The following SEMA6D variants were observed in gnomAD, a reference collection of about 807,000 sequenced individuals.
SEMA6D encodes semaphorin-6D.
Under a neutral mutation model 106.6 loss-of-function variants are expected in SEMA6D, and 35 were observed. That is an observed-to-expected ratio of 0.33 (90% CI 0.25 to 0.44). SEMA6D has a LOEUF of 0.44. Among genes scored for constraint, SEMA6D ranks in the 20% least tolerant of loss-of-function variants. SEMA6D has a pLI of 1.00. For synonymous variants in SEMA6D, 499 were observed against 487.7 expected (o/e 1.02, Z -0.31); for missense variants, 1,185 against 1,345.9 (o/e 0.88, Z 1.87).
chr15:47,391,203 G>T (rs1252092190), intron 1 of SEMA6D, among the ~76,000 whole-genome samples: 1 of 152,172 alleles, frequency 6.6e-6, no homozygotes, highest in Non-Finnish European at 1.5e-5. Context: ...CACACAATCA[G>T]CCTCCTTTCC....
intron 1 of SEMA6D, among the ~76,000 whole-genome samples, chr15:47,190,397 T>C (rs1044396192): frequency 2.0e-5 from 3 of 152,200 alleles, no homozygotes; most frequent in Middle Eastern, 3.2e-3. Context: ...CTTCTAAGGA[T>C]CTAAGTGGAA....
chr15:47,263,409 A>G (rs1248613610), intron 1 of SEMA6D, among the ~76,000 whole-genome samples: 2 of 152,132 alleles, frequency 1.3e-5, no homozygotes, highest in Non-Finnish European at 2.9e-5. Flanking sequence ...ACACTTTTTG[A>G]AAGAAGGTAT....
At chr15:47,400,988 T>G (rs533177555) in intron 1 of SEMA6D, among the ~76,000 whole-genome samples, 22 of 152,340 alleles carry the variant, frequency 1.4e-4, no homozygotes, top group African/African-American at 3.8e-4. Flanking sequence ...CTGTCAATTA[T>G]TAGTAGTGTA....
rs2082260412 is a variant in SEMA6D, at chr15:47,764,982, T to C, written c.1353T>C (p.Val451=). ...CTGAAGCTGGCATGGTACTTAAAGTTCTGGCAAAGACCAGTCCTTTCTCTT... is the reference window on the plus strand; with the variant it reads ...CTGAAGCTGGCATGGTACTTAAAGTCCTGGCAAAGACCAGTCCTTTCTCTT... ...VGSEAGMVLK[V]LAKTSPFSLN... is the part of the protein sequence containing the mutation. The change falls in exon 13 of 19, where the codon GTT becomes GTC. Residue 451 remains valine (V), a synonymous_variant. Coordinates refer to ENST00000536845, the MANE Select transcript of SEMA6D (RefSeq NM_001358351.3). The C allele has an allele frequency of 6.2e-7, 1 of 1,613,800 alleles. No individual in the cohort carries two copies. Among genetic ancestry groups the C allele is most frequent in the African/African-American group, 1.3e-5 (1 of 74,924 alleles).
chr15:47,203,669 TTTCTC>T (rs2141108419), intron 1 of SEMA6D, among the ~76,000 whole-genome samples: 1 of 152,306 alleles, frequency 6.6e-6, no homozygotes, highest in African/African-American at 2.4e-5. Context: ...TTGTTATGCT[TTTCTC>T]TAGGTAACCT....
upstream of SEMA6D, among the ~76,000 whole-genome samples, chr15:47,713,055 A>G (rs1165177441): frequency 6.6e-6 from 1 of 152,188 alleles, no homozygotes; most frequent in Non-Finnish European, 1.5e-5. Flanking sequence ...TTTGCTGTTC[A>G]TCTTTCTTAT....
intron 2 of SEMA6D, among the ~76,000 whole-genome samples, chr15:47,417,138 C>A (rs1353659718): frequency 2.0e-5 from 3 of 151,906 alleles, no homozygotes; most frequent in Non-Finnish European, 4.4e-5. Flanking sequence ...GTTTTATCAA[C>A]CACCTGCAAA....
chr15:47,747,198 A>C (rs1233843917), intron 1 of SEMA6D, among the ~76,000 whole-genome samples: 2 of 152,124 alleles, frequency 1.3e-5, no homozygotes, highest in African/African-American at 4.8e-5. Context: ...ATTTTGCTTT[A>C]AAATGAATGT....
intron 1 of SEMA6D, among the ~76,000 whole-genome samples, chr15:47,252,795 C>G (rs2033597632): frequency 6.6e-6 from 1 of 152,152 alleles, no homozygotes; most frequent in Non-Finnish European, 1.5e-5. Context: ...TCCATTCATT[C>G]ATTCATGGAC....
chr15:47,681,943 T>TA (rs550285279), intron 4 of SEMA6D, among the ~76,000 whole-genome samples: 1 of 151,928 alleles, frequency 6.6e-6, no homozygotes, highest in Non-Finnish European at 1.5e-5. Flanking sequence ...AATTACTCTT[T>TA]AAAAAAAAGC....
chr15:47,582,403 G>A (rs780101150), intron 3 of SEMA6D, among the ~76,000 whole-genome samples: 8 of 152,146 alleles, frequency 5.3e-5, no homozygotes, highest in South Asian at 2.1e-4. Flanking sequence ...AAAGCCAGTC[G>A]GAAGACAAAA....
intron 1 of SEMA6D, among the ~76,000 whole-genome samples, chr15:47,264,773 T>G (rs2034239060): frequency 6.6e-6 from 1 of 152,110 alleles, no homozygotes; most frequent in African/African-American, 2.4e-5. Flanking sequence ...TTGAAGAAGT[T>G]CTCTTCTATT....
intron 2 of SEMA6D, among the ~76,000 whole-genome samples, chr15:47,459,431 T>A (rs548008279): frequency 6.6e-6 from 1 of 152,150 alleles, no homozygotes; most frequent in African/African-American, 2.4e-5. Context: ...CCATGTGACA[T>A]ATTTTGTAGA....
rs561914345 is a variant in SEMA6D, at chr15:47,413,086, T to C, written c.-159+614T>C. On this transcript the variant is annotated intron_variant, in intron 2 of 19. Coordinates refer to the SEMA6D transcript ENST00000558014. ...GATGGCAAATTGTGTTACTGGAAGT[T>C]CATTTTGAAAAGGGAAGTCTCCCAC... 8.5e-5 allele frequency among the ~76,000 whole-genome samples: 13 copies of C among 152,290 alleles called. No individual in the cohort carries two copies. In the East Asian group the frequency reaches 2.1e-3, roughly 25 times the overall value.
At chr15:47,672,551 C>G (rs558016153) in intron 4 of SEMA6D, among the ~76,000 whole-genome samples, 36 of 152,238 alleles carry the variant, frequency 2.4e-4, no homozygotes, top group African/African-American at 8.7e-4. Context: ...TTTTAATTAA[C>G]TTGAAATAAT....
chr15:47,703,234 A>G (rs2078848844), intron 4 of SEMA6D, among the ~76,000 whole-genome samples: 1 of 152,190 alleles, frequency 6.6e-6, no homozygotes, highest in Non-Finnish European at 1.5e-5. Context: ...CTAGCCCATT[A>G]ATTTTAGATC....
chr15:47,243,390 A>G (rs937410450), intron 1 of SEMA6D, among the ~76,000 whole-genome samples: 7 of 151,576 alleles, frequency 4.6e-5, no homozygotes, highest in African/African-American at 1.2e-4. Context: ...AATTGGGGCA[A>G]TTTGACTATG....
intron 2 of SEMA6D, among the ~76,000 whole-genome samples, chr15:47,440,921 C>T (rs1342739838): frequency 6.6e-6 from 1 of 152,064 alleles, no homozygotes; most frequent in African/African-American, 2.4e-5. Context: ...ATAATTCTTT[C>T]TTTGACCTTT....
At chr15:47,645,016 C>A (rs896099058) in intron 4 of SEMA6D, among the ~76,000 whole-genome samples, 3 of 152,170 alleles carry the variant, frequency 2.0e-5, no homozygotes, top group Non-Finnish European at 2.9e-5. Flanking sequence ...GCACACACAT[C>A]TGTTTCCAAG....
Sources: allele counts gnomAD v4.1 joint callset (sites outside exome capture counted in the v4.1 genomes callset), GRCh38; gene constraint gnomAD v4.1.1; transcripts MANE v1.5; gene names NCBI Gene and HGNC (gene_info 2026-07-23, HGNC 2026-07-21).